The following HBM variants were observed in gnomAD, a reference collection of about 807,000 sequenced individuals.
HBM encodes alpha globin pseudogene 2.
A neutral mutation model predicts 12.8 loss-of-function variants in HBM; 9 were observed. The ratio of observed to expected loss-of-function variants is 0.70; its 90% CI spans 0.42 to 1.23. The LOEUF is 1.23. Ranked by LOEUF, HBM falls within the 50% of genes most tolerant of loss-of-function variation. HBM has a pLI of 0.00. For missense variants in HBM, 214 were observed against 195.4 expected, an observed-to-expected ratio of 1.10 and a Z score of -0.57; for synonymous variants, 100 against 92.0, an observed-to-expected ratio of 1.09 and a Z score of -0.50.
rs1328044148 is a variant in HBM, at chr16:166,630, G to A, written c.348G>A (p.Glu116=). Reference sequence around the variant, plus strand: ...TGCTGGCCTCCCACCTGCAGGACGAGTTCACCGTGCAAATGCAAGCGGCGT... The same window carrying A: ...TGCTGGCCTCCCACCTGCAGGACGAATTCACCGTGCAAATGCAAGCGGCGT... ...HVVLASHLQD[E]FTVQMQAAWD... The change falls in exon 3 of 3, where the codon GAG becomes GAA. Residue 116 remains glutamate (E), a synonymous_variant. Coordinates refer to ENST00000356815, the MANE Select transcript of HBM (RefSeq NM_001003938.4). The A allele has an allele frequency of 3.1e-6, 5 of 1,614,016 alleles. No individual in the cohort carries two copies. The African/African-American group carries it at 4.0e-5, about 13-fold the overall frequency.
Position 166,373 on chromosome 16 carries a change from G to A in HBM, c.198G>A (p.Val66=). ...ACGGGCAGCGCATGCTGGCGGCTGT[G>A]GGCGCGGCGGTGCAGCACGTGGACA... The part of the protein sequence containing the change: ...LSHGQRMLAA[V]GAAVQHVDNL... The change falls in exon 2 of 3, where the codon GTG becomes GTA. Residue 66 remains valine (V), a synonymous_variant. Coordinates refer to ENST00000356815, the MANE Select transcript of HBM (RefSeq NM_001003938.4). The A allele has an allele frequency of 6.3e-7, 1 of 1,581,556 alleles. No homozygotes were observed. The highest frequency in any genetic ancestry group is 1.7e-5 in the Admixed American group (1 of 57,690).
In HBM at chr16:166,564, G is replaced by T. The variant is rs967258464; in HGVS notation, c.298-16G>T. ...TAGCGGGGCAGACCCCGTCTCACCG[G>T]CCCCTTCTCCTGCAGCTGCTAATCC... On this transcript the variant is annotated splice_polypyrimidine_tract_variant and intron_variant, in intron 2 of 2. Coordinates refer to ENST00000356815, the MANE Select transcript of HBM (RefSeq NM_001003938.4). 4 of 1,610,950 alleles carry T rather than the reference G, an allele frequency of 2.5e-6. No individual in the cohort carries two copies. Among genetic ancestry groups the T allele is most frequent in the Non-Finnish European group, 2.5e-6 (3 of 1,178,756 alleles).
At position 165,991 on chromosome 16, in the gene HBM, CGGCGCCATGCTCAGCGCCCAGGA is replaced by C. The variant is rs749010050; in HGVS notation, c.-5_18del. On this transcript the variant is annotated start_lost and 5_prime_UTR_variant, in exon 1 of 3. Transcript: ENST00000356815. ...GGCGCGGCCCCCAGAGCACGTCAGGCGGCGCCATGCTCAGCGCCCAGGAGCGCGCCCAAATCGCGCAGGTCTGG... is the reference window on the plus strand; with the variant it reads ...GGCGCGGCCCCCAGAGCACGTCAGGCGCGCGCCCAAATCGCGCAGGTCTGG... The C allele has an allele frequency of 1.9e-5, 30 of 1,569,594 alleles. No individual in the cohort carries two copies. The highest frequency in any genetic ancestry group is 6.0e-6 in the Non-Finnish European group (7 of 1,163,220).
rs748043103 is a variant in HBM at position 166,733 on chromosome 16, C to A, written c.*25C>A. 1.5e-5 allele frequency: 24 copies of A among 1,612,520 alleles called. 2 individuals are homozygous for A. In the East Asian group the frequency reaches 4.7e-4, roughly 31 times the overall value. The stretch of plus-strand genomic sequence containing the variant: ...AGCCCTGTGCTGCGCAGGCCTTGGT[C>A]TGTGCCTGTCAATAAACAGAGGCCC... On this transcript the variant is annotated 3_prime_UTR_variant, in exon 3 of 3. Transcript: ENST00000356815.
In HBM at chr16:166,658, GA is replaced by G. The variant is rs1273651858; in HGVS notation, c.377del (p.Asp126AlafsTer4). ...CACCGTGCAAATGCAAGCGGCGTGG[GA>G]CAAGTTCCTGACTGGTGTGGCCGTG... ...EFTVQMQAAW[D>X]KFLTGVAVVL... On this transcript the variant is annotated frameshift_variant, in exon 3 of 3. Transcript: ENST00000356815. LOFTEE classifies it high-confidence loss of function. 6 of 1,614,056 alleles carry G rather than the reference GA, an allele frequency of 3.7e-6. No homozygotes were observed. The African/African-American group carries it at 8.0e-5, about 22-fold the overall frequency.
rs1426888282 is a variant in HBM, at chr16:166,286, C to T, written c.111C>T (p.Pro37=). The change falls in exon 2 of 3, where the codon CCC becomes CCT. Residue 37 remains proline, a synonymous_variant. Transcript: ENST00000356815. Reference sequence around the variant, plus strand: ...CCTGCAGGCTCTTCACGGTGTACCCCAGCACCAAGGTCTACTTCCCGCACC... The same window carrying T: ...CCTGCAGGCTCTTCACGGTGTACCCTAGCACCAAGGTCTACTTCCCGCACC... ...ELLLRLFTVY[P]STKVYFPHLS... is the part of the protein sequence containing the mutation. 1 of 1,595,400 alleles carries T rather than the reference C, an allele frequency of 6.3e-7. No individual in the cohort carries two copies. The highest frequency in any genetic ancestry group is 8.5e-7 in the Non-Finnish European group (1 of 1,178,614).
rs1428022247 is a variant in HBM at position 166,456 on chromosome 16, A to T, written c.281A>T (p.Asp94Val). The part of the protein sequence containing the change: ...ADLHALVLRV[D>V]PANFPLLIQC... ...CTGCACGCGCTCGTGCTGCGCGTGGACCCAGCCAACTTTCCGGTGAGGCCT... is the reference window on the plus strand; with the variant it reads ...CTGCACGCGCTCGTGCTGCGCGTGGTCCCAGCCAACTTTCCGGTGAGGCCT... The change falls in exon 2 of 3, where the codon GAC becomes GTC. Residue 94 changes from aspartate to valine, a missense_variant. Physicochemically the swap from Asp to Val is radical, Grantham distance 152. Coordinates refer to ENST00000356815, the MANE Select transcript of HBM (RefSeq NM_001003938.4). 6.5e-7 allele frequency: 1 copy of T among 1,548,680 alleles called. No individual in the cohort carries two copies. Among genetic ancestry groups the T allele is most frequent in the Non-Finnish European group, 8.7e-7 (1 of 1,152,718 alleles).
rs1342424812 is a variant in HBM, at chr16:166,491, G to A, written c.297+19G>A. 4.5e-6 allele frequency: 7 copies of A among 1,558,308 alleles called. No homozygotes were observed. Among genetic ancestry groups the A allele is most frequent in the Middle Eastern group, 3.5e-4 (2 of 5,756 alleles). On this transcript the variant is annotated intron_variant, in intron 2 of 2. Transcript: ENST00000356815. The stretch of plus-strand genomic sequence containing the variant: ...CTTTCCGGTGAGGCCTTTCCGGCCG[G>A]GGCAATGGTGCAGCGCGCAGCCGGG...
chr16:166,389 C>T lies in HBM; in HGVS notation c.214C>T (p.His72Tyr). The change falls in exon 2 of 3, where the codon CAC becomes TAC. Residue 72 changes from histidine to tyrosine, a missense_variant. By Grantham distance (83) the His-to-Tyr change is moderately conservative. Coordinates refer to ENST00000356815, the MANE Select transcript of HBM (RefSeq NM_001003938.4). ...MLAAVGAAVQ[H>Y]VDNLRAALSP... ...GGCGGCTGTGGGCGCGGCGGTGCAGCACGTGGACAACCTGCGCGCCGCGCT... is the reference window on the plus strand; with the variant it reads ...GGCGGCTGTGGGCGCGGCGGTGCAGTACGTGGACAACCTGCGCGCCGCGCT... 6.4e-7 allele frequency: 1 copy of T among 1,572,130 alleles called. No homozygotes were observed. The highest frequency in any genetic ancestry group is 1.1e-5 in the South Asian group (1 of 88,052).
rs370902789 is a variant in HBM, at chr16:166,261, C to A, written c.93-7C>A. ...CCTCCTCCCCGGTCACTGACCTGGT[C>A]CTGCAGGCTCTTCACGGTGTACCCC... On this transcript the variant is annotated splice_region_variant and splice_polypyrimidine_tract_variant and intron_variant, in intron 1 of 2. Coordinates refer to ENST00000356815, the MANE Select transcript of HBM (RefSeq NM_001003938.4). The A allele has an allele frequency of 6.3e-7, 1 of 1,588,734 alleles. No homozygotes were observed. Among genetic ancestry groups the A allele is most frequent in the Non-Finnish European group, 8.5e-7 (1 of 1,175,014 alleles).
At position 166,352 on chromosome 16, in the gene HBM, G is replaced by A. The variant is rs115665345; in HGVS notation, c.177G>A (p.Gly59=). 6.5e-3 allele frequency: 10,347 copies of A among 1,592,206 alleles called. 567 individuals carry two copies. The African/African-American group carries it at 0.12, about 18-fold the overall frequency. Residue 59 remains glycine, a synonymous_variant, in exon 2 of 3, where the codon GGG becomes GGA. Coordinates refer to ENST00000356815, the MANE Select transcript of HBM (RefSeq NM_001003938.4). Reference sequence around the variant, plus strand: ...ACGCGACGCAGCTGCTGAGCCACGGGCAGCGCATGCTGGCGGCTGTGGGCG... The same window carrying A: ...ACGCGACGCAGCTGCTGAGCCACGGACAGCGCATGCTGGCGGCTGTGGGCG... ...CQDATQLLSH[G]QRMLAAVGAA... is the part of the protein sequence containing the mutation.
chr16:166,693 C>T lies in HBM; in HGVS notation c.411C>T (p.Thr137=), dbSNP rs761353877. Residue 137 remains threonine, a synonymous_variant, in exon 3 of 3, where the codon ACC becomes ACT. Transcript: ENST00000356815. The part of the protein sequence containing the change: ...KFLTGVAVVL[T]EKYR ...TGACTGGTGTGGCCGTGGTGCTGAC[C>T]GAAAAATACCGCTGAGCCCTGTGCT... 8.7e-6 allele frequency: 14 copies of T among 1,613,940 alleles called. No homozygotes were observed. In the East Asian group the frequency reaches 2.5e-4, roughly 28 times the overall value.
Position 166,436 on chromosome 16 carries a change from C to A in HBM, c.261C>A (p.His87Gln), listed in dbSNP as rs893523671. Residue 87 changes from histidine (H) to glutamine (Q), a missense_variant, in exon 2 of 3, where the codon CAC becomes CAA. Coordinates refer to ENST00000356815, the MANE Select transcript of HBM (RefSeq NM_001003938.4). ...CGCTGAGCCCGCTGGCGGACCTGCA[C>A]GCGCTCGTGCTGCGCGTGGACCCAG... Reference protein sequence around the residue: ...RAALSPLADLHALVLRVDPAN... With the variant: ...RAALSPLADLQALVLRVDPAN... 6.7e-5 allele frequency: 104 copies of A among 1,547,948 alleles called. No individual in the cohort carries two copies. The highest frequency in any genetic ancestry group is 7.6e-5 in the Non-Finnish European group (88 of 1,153,012).
chr16:166,543 G>A, intron 2 of HBM, 37 bp from the exon 3 acceptor site: 1 of 1,604,760 alleles, frequency 6.2e-7, no homozygotes, highest in Non-Finnish European at 8.5e-7. Flanking sequence ...GGTCCCTAGC[G>A]GGGCAGACCC....
At chr16:166,137 G>T in intron 1 of HBM, 48 bp downstream of exon 1, 2 of 1,519,100 alleles carry the variant, frequency 1.3e-6, no homozygotes, top group Non-Finnish European at 9.0e-7. Context: ...GGAGATGAGG[G>T]TTTTGGGCGC....
At chr16:166,518 TG>T (rs770468517) in intron 2 of HBM, 46 bp downstream of exon 2, 12 of 1,413,820 alleles carry the variant, frequency 8.5e-6, no homozygotes, top group South Asian at 1.2e-5. Context: ...GCAGCCGGGG[TG>T]GGGGGGCTCT....
chr16:166,102 G>A lies in HBM; in HGVS notation c.92+13G>A, dbSNP rs761802862. 1.9e-6 allele frequency: 3 copies of A among 1,584,350 alleles called. No individual in the cohort carries two copies. Among genetic ancestry groups the A allele is most frequent in the Non-Finnish European group, 2.6e-6 (3 of 1,162,726 alleles). On this transcript the variant is annotated intron_variant, in intron 1 of 2. Coordinates refer to ENST00000356815, the MANE Select transcript of HBM (RefSeq NM_001003938.4). ...AGCTGCTGCTCAGGTCGGTAGAGGC[G>A]GGGTCTCCGGGAGCTCAGGGAGGTG...
intron 2 of HBM, 52 bp downstream of exon 2, chr16:166,524 G>T (rs777405838): frequency 5.0e-6 from 8 of 1,585,706 alleles, no homozygotes; most frequent in Non-Finnish European, 6.9e-6. Context: ...GGGGTGGGGG[G>T]GCTCTGGGGG....
At position 166,050 on chromosome 16, in the gene HBM, C is replaced by A. The variant is rs866015895; in HGVS notation, c.53C>A (p.Ala18Glu). Residue 18 changes from alanine to glutamate, a missense_variant, in exon 1 of 3, where the codon GCG (alanine) becomes GAG (glutamate). By Grantham distance (107) the Ala-to-Glu change is moderately radical. Transcript: ENST00000356815. ...AQIAQVWDLI[A>E]GHEAQFGAEL... Reference sequence around the variant, plus strand: ...ATCGCGCAGGTCTGGGACCTGATTGCGGGCCACGAGGCGCAATTCGGGGCG... The same window carrying A: ...ATCGCGCAGGTCTGGGACCTGATTGAGGGCCACGAGGCGCAATTCGGGGCG... 2 of 1,601,934 alleles carry A rather than the reference C, an allele frequency of 1.2e-6. No homozygotes were observed. Among genetic ancestry groups the A allele is most frequent in the Non-Finnish European group, 1.7e-6 (2 of 1,175,842 alleles).
Sources: gnomAD v4.1 joint callset for allele counts on GRCh38, gnomAD v4.1.1 for gene constraint, MANE v1.5 for transcripts, NCBI Gene and HGNC (gene_info 2026-07-23, HGNC 2026-07-21) for gene names.